EYA1: variants seen among roughly 807,000 people sequenced by gnomAD.
EYA1 encodes EYA transcriptional coactivator and phosphatase 1.
Under a neutral mutation model 82.0 loss-of-function variants are expected in EYA1, and 16 were observed. That is an observed-to-expected ratio of 0.20 (90% CI 0.13 to 0.30). EYA1 has a LOEUF of 0.30. Among genes scored for constraint, EYA1 ranks in the 10% least tolerant of loss-of-function variants. The probability of loss-of-function intolerance (pLI) is 1.00; values close to 1 mark genes in which losing one functional copy is unlikely to be tolerated. For missense variants in EYA1, 633 were observed against 730.7 expected (o/e 0.87, Z 1.54); for synonymous variants, 261 against 264.4 (o/e 0.99, Z 0.12).
chr8:71,239,377 G>C (rs796629652), intron 12 of EYA1, among the ~76,000 whole-genome samples: 6 of 152,154 alleles, frequency 3.9e-5, no homozygotes, highest in African/African-American at 1.4e-4. Flanking sequence ...CTATGAAGAA[G>C]GAAACAAAAA....
upstream of EYA1, among the ~76,000 whole-genome samples, chr8:71,367,029 A>G (rs1307475299): frequency 6.6e-6 from 1 of 152,226 alleles, no homozygotes; most frequent in African/African-American, 2.4e-5. Context: ...AAGGATGCAA[A>G]AATAAAAGTA....
intron 11 of EYA1, among the ~76,000 whole-genome samples, chr8:71,254,626 T>C (rs919770869): frequency 7.9e-5 from 12 of 152,178 alleles, no homozygotes; most frequent in African/African-American, 2.9e-4. Context: ...TCATACTCAA[T>C]GGTAAATGTC....
chr8:71,461,789 G>T (rs895367049), intron 2 of EYA1, among the ~76,000 whole-genome samples: 1 of 152,056 alleles, frequency 6.6e-6, no homozygotes, highest in Non-Finnish European at 1.5e-5. Context: ...ACACAGCCAG[G>T]GTGTCCCTCA....
intron 4 of EYA1, among the ~76,000 whole-genome samples, chr8:71,331,164 G>T (rs145704849): frequency 0.017 from 2,616 of 149,606 alleles, 73 homozygotes; most frequent in African/African-American, 0.062. Context: ...AGGAGGCAGA[G>T]GTTGCAGTGA....
At chr8:71,292,680 C>T (rs927567937) in intron 9 of EYA1, among the ~76,000 whole-genome samples, 3 of 151,694 alleles carry the variant, frequency 2.0e-5, no homozygotes, top group Admixed American at 6.6e-5. Context: ...TAAATATATA[C>T]ATCATTAAAA....
intron 2 of EYA1, among the ~76,000 whole-genome samples, chr8:71,394,951 A>G (rs1586622223): frequency 2.0e-5 from 3 of 152,178 alleles, no homozygotes; most frequent in Non-Finnish European, 1.5e-5. Flanking sequence ...ATTTGTTTGT[A>G]TCCTCTTTTA....
intron 3 of EYA1, among the ~76,000 whole-genome samples, chr8:71,349,268 G>A (rs2129062107): frequency 6.6e-6 from 1 of 152,298 alleles, no homozygotes; most frequent in East Asian, 1.9e-4. Context: ...TGTCATCAAA[G>A]CCTCTGCCAC....
intron 2 of EYA1, among the ~76,000 whole-genome samples, chr8:71,417,007 A>G (rs1830889505): frequency 6.6e-6 from 1 of 152,204 alleles, no homozygotes; most frequent in Non-Finnish European, 1.5e-5. Flanking sequence ...CACCACTTCC[A>G]GAATAAAAGC....
At chr8:71,505,879 G>A (rs1812155936) in intron 2 of EYA1, among the ~76,000 whole-genome samples, 1 of 152,132 alleles carries the variant, frequency 6.6e-6, no homozygotes, top group Admixed American at 6.5e-5. Context: ...CCTGGTGGGA[G>A]GTGATTAGAT....
chr8:71,329,426 T>C (rs548612694), intron 4 of EYA1, among the ~76,000 whole-genome samples: 43 of 152,166 alleles, frequency 2.8e-4, no homozygotes, highest in Admixed American at 5.9e-4. Flanking sequence ...TAAGCCCTTG[T>C]AGAGAAAAAT....
At chr8:71,279,308 T>C (rs891869668) in intron 9 of EYA1, among the ~76,000 whole-genome samples, 1 of 152,206 alleles carries the variant, frequency 6.6e-6, no homozygotes, top group Non-Finnish European at 1.5e-5. Context: ...ACGAAGTAGA[T>C]GTCAGACAAC....
chr8:71,475,369 C>A (rs566924084), intron 2 of EYA1, among the ~76,000 whole-genome samples: 3 of 152,138 alleles, frequency 2.0e-5, no homozygotes, highest in Non-Finnish European at 4.4e-5. Flanking sequence ...TGCTTTTTAA[C>A]GACCTTTTGT....
At chr8:71,222,082 A>C (rs1291615876) in intron 12 of EYA1, among the ~76,000 whole-genome samples, 1 of 152,124 alleles carries the variant, frequency 6.6e-6, no homozygotes, top group Non-Finnish European at 1.5e-5. Flanking sequence ...TTCTTGTTCT[A>C]AAGCCTTTTT....
intron 2 of EYA1, among the ~76,000 whole-genome samples, chr8:71,493,822 G>GA (rs1811198357): frequency 6.7e-6 from 1 of 150,028 alleles, no homozygotes; most frequent in African/African-American, 2.4e-5. Context: ...AGGAGATCGA[G>GA]ACCATCCCGG....
At chr8:71,471,035 T>C (rs527838064) in intron 2 of EYA1, 6 of 403,456 alleles carry the variant, frequency 1.5e-5, no homozygotes, top group African/African-American at 1.1e-4. Context: ...TTAACTCATC[T>C]TGAGACATTA....
intron 11 of EYA1, among the ~76,000 whole-genome samples, chr8:71,245,142 CCTGCAGG>C (rs1416864233): frequency 6.6e-6 from 1 of 152,172 alleles, no homozygotes; most frequent in Non-Finnish European, 1.5e-5. Context: ...CAACCTGCAG[CCTGCAGG>C]CTGCGTGCAG....
In EYA1 at chr8:71,517,707, C is replaced by CTATATATA. The variant is rs60132408; in HGVS notation, c.33+18029_33+18036dup. On this transcript the variant is annotated intron_variant, in intron 2 of 18. Transcript: ENST00000643681. ...GTTGTTCACAAGATAGGAAAACATA[C>CTATATATA]TATATATATATATATATATAACTGT... Among the ~76,000 whole-genome samples the CTATATATA allele has an allele frequency of 9.8e-3, 1,384 of 141,606 alleles. 5 individuals are homozygous for CTATATATA. The highest frequency in any genetic ancestry group is 0.017 in the South Asian group (77 of 4,578). 92.9% of individuals were successfully genotyped at this position (141,606 alleles called of 152,430 possible).
At chr8:71,353,487 G>A (rs973376460) in intron 3 of EYA1, among the ~76,000 whole-genome samples, 3 of 152,106 alleles carry the variant, frequency 2.0e-5, no homozygotes, top group South Asian at 2.1e-4. Flanking sequence ...TGCTACATCC[G>A]CAAAATTTCA....
chr8:71,394,605 T>G (rs1386645187), intron 2 of EYA1, among the ~76,000 whole-genome samples: 1 of 152,148 alleles, frequency 6.6e-6, no homozygotes, highest in East Asian at 1.9e-4. Flanking sequence ...TGGTTGTAGA[T>G]CTGTGGTATT....
Sources: allele counts gnomAD v4.1 joint callset (sites outside exome capture counted in the v4.1 genomes callset), GRCh38; gene constraint gnomAD v4.1.1; transcripts MANE v1.5; gene names NCBI Gene and HGNC (gene_info 2026-07-23, HGNC 2026-07-21).